Variants in PREP observed in about 807,000 individuals in gnomAD.
The protein encoded by PREP is prolyl endopeptidase.
Under a neutral mutation model 87.6 loss-of-function variants are expected in PREP, and 29 were observed. That is an observed-to-expected ratio of 0.33 (90% CI 0.25 to 0.45). The LOEUF (loss-of-function observed/expected upper bound fraction) is 0.45, where lower values mean the gene tolerates loss of function less well. Among genes scored for constraint, PREP ranks in the 20% least tolerant of loss-of-function variants. PREP has a pLI of 1.00. For missense variants in PREP, 695 were observed against 886.5 expected, an observed-to-expected ratio of 0.78 and a Z score of 2.74; for synonymous variants, 337 against 328.6, an observed-to-expected ratio of 1.03 and a Z score of -0.28.
chr6:105,367,213 TA>T (rs1014013879), intron 6 of PREP, among the ~76,000 whole-genome samples: 1 of 152,188 alleles, frequency 6.6e-6, no homozygotes, highest in African/African-American at 2.4e-5. Flanking sequence ...CAGATGAAGG[TA>T]AAAAATGTAC....
chr6:105,336,719 C>T (rs961442117), intron 7 of PREP, among the ~76,000 whole-genome samples: 1 of 152,154 alleles, frequency 6.6e-6, no homozygotes, highest in South Asian at 2.1e-4. Flanking sequence ...CAGGCATTTT[C>T]CCCAGCTTTT....
At chr6:105,303,540 C>A (rs1166661079) in intron 10 of PREP, among the ~76,000 whole-genome samples, 5 of 152,066 alleles carry the variant, frequency 3.3e-5, no homozygotes, top group African/African-American at 4.8e-5. Flanking sequence ...TCTATTGGCT[C>A]TTAGAAGTTC....
In PREP at chr6:105,376,189, C is replaced by T. The variant is rs761488867; in HGVS notation, c.321G>A (p.Glu107=). The change falls in exon 4 of 15, where the codon GAG becomes GAA. Residue 107 remains glutamate, a synonymous_variant. Transcript: ENST00000652536. The part of the protein sequence containing the change: ...QRVLYVQDSL[E]GEARVFLDPN... ...GGTCCAGGAACACTCTGGCCTCACCCTCTAAGGAATCCTGTACATATAATA... is the reference window on the plus strand; with the variant it reads ...GGTCCAGGAACACTCTGGCCTCACCTTCTAAGGAATCCTGTACATATAATA... 1 of 1,613,952 alleles carries T rather than the reference C, an allele frequency of 6.2e-7. No homozygotes were observed. The highest frequency in any genetic ancestry group is 1.3e-5 in the African/African-American group (1 of 75,012).
chr6:105,385,283 T>TAAAAAAA (rs11354337), intron 2 of PREP, among the ~76,000 whole-genome samples: 12 of 122,638 alleles, frequency 9.8e-5, no homozygotes, highest in African/African-American at 1.6e-4. Context: ...AGATCTGCTT[T>TAAAAAAA]AAAAAAAAAA....
intron 10 of PREP, among the ~76,000 whole-genome samples, chr6:105,310,954 A>T (rs1343541684): frequency 6.6e-6 from 1 of 152,190 alleles, no homozygotes; most frequent in Non-Finnish European, 1.5e-5. Context: ...ACTCACTGAT[A>T]AATGGTACCA....
intron 1 of PREP, 67 bp from the exon 2 acceptor site, chr6:105,397,994 A>C: frequency 8.1e-7 from 1 of 1,237,870 alleles, no homozygotes; most frequent in Non-Finnish European, 1.2e-6. Flanking sequence ...GTATTTTTTT[A>C]ATGTAATGGA....
chr6:105,356,718 T>C (rs1401815270), intron 6 of PREP, among the ~76,000 whole-genome samples: 1 of 152,224 alleles, frequency 6.6e-6, no homozygotes, highest in Non-Finnish European at 1.5e-5. Context: ...GGGCAGCCTA[T>C]TGATCAATAT....
At chr6:105,384,555 C>A (rs1412444521) in intron 2 of PREP, among the ~76,000 whole-genome samples, 1 of 152,204 alleles carries the variant, frequency 6.6e-6, no homozygotes, top group Non-Finnish European at 1.5e-5. Context: ...TCTAACTATG[C>A]TAACTCCCTT....
intron 7 of PREP, among the ~76,000 whole-genome samples, chr6:105,347,915 C>T (rs1292877727): frequency 6.6e-6 from 1 of 151,978 alleles, no homozygotes; most frequent in Non-Finnish European, 1.5e-5. Context: ...AAAGTATATA[C>T]ATACTTCAAA....
intron 2 of PREP, among the ~76,000 whole-genome samples, chr6:105,389,770 G>A (rs1027878868): frequency 1.3e-5 from 2 of 152,052 alleles, no homozygotes; most frequent in African/African-American, 4.8e-5. Context: ...TCTGGATCCG[G>A]GCTAGGGAAA....
intron 10 of PREP, among the ~76,000 whole-genome samples, chr6:105,291,901 T>C (rs554282007): frequency 6.6e-6 from 1 of 152,276 alleles, no homozygotes; most frequent in South Asian, 2.1e-4. Context: ...TCACCAGGAG[T>C]AGATTCCATC....
At chr6:105,358,883 T>C (rs996525880) in intron 6 of PREP, among the ~76,000 whole-genome samples, 5 of 152,172 alleles carry the variant, frequency 3.3e-5, no homozygotes, top group African/African-American at 1.2e-4. Context: ...TCCAGCCCAG[T>C]TCTCCAAAAG....
intron 7 of PREP, among the ~76,000 whole-genome samples, chr6:105,343,690 C>T (rs922837225): frequency 6.6e-6 from 1 of 152,054 alleles, no homozygotes; most frequent in Non-Finnish European, 1.5e-5. Context: ...AAAAATCAAC[C>T]CCATCAAAAA....
At chr6:105,342,227 A>T (rs748147064) in intron 7 of PREP, among the ~76,000 whole-genome samples, 2 of 152,242 alleles carry the variant, frequency 1.3e-5, no homozygotes, top group Non-Finnish European at 2.9e-5. Flanking sequence ...AGGCTGGTTC[A>T]ACATACACAA....
intron 3 of PREP, 146 bp downstream of exon 3, chr6:105,377,240 T>C: frequency 1.1e-6 from 1 of 947,914 alleles, no homozygotes; most frequent in Non-Finnish European, 1.6e-6. Context: ...AGATCAAAAA[T>C]ATTACTCTCA....
At position 105,335,998 on chromosome 6, in the gene PREP, C is replaced by T. The variant is rs142590086; in HGVS notation, c.824-2493G>A. Reference sequence around the variant, plus strand: ...TGAGGCTGGCTATGGTGGCTCACATCTGTAATCCCAGAACTTCGGGAGGCC... The same window carrying T: ...TGAGGCTGGCTATGGTGGCTCACATTTGTAATCCCAGAACTTCGGGAGGCC... On this transcript the variant is annotated intron_variant, in intron 7 of 14. Coordinates refer to ENST00000652536, the MANE Select transcript of PREP (RefSeq NM_002726.5). 4.5e-4 allele frequency among the ~76,000 whole-genome samples: 68 copies of T among 152,370 alleles called. 2 individuals are homozygous for T. The East Asian group carries it at 0.011, about 24-fold the overall frequency.
chr6:105,394,470 A>C (rs1289260991), intron 2 of PREP, among the ~76,000 whole-genome samples: 3 of 152,242 alleles, frequency 2.0e-5, no homozygotes, highest in Non-Finnish European at 4.4e-5. Flanking sequence ...GTTCAAAAAA[A>C]TTACTAGGTA....
chr6:105,342,876 A>T (rs1463183457), intron 7 of PREP, among the ~76,000 whole-genome samples: 1 of 152,270 alleles, frequency 6.6e-6, no homozygotes, highest in Non-Finnish European at 1.5e-5. Context: ...GAAATAAAAG[A>T]GGATACAAAC....
intron 2 of PREP, among the ~76,000 whole-genome samples, chr6:105,384,311 CTG>C (rs1302874180): frequency 2.0e-5 from 3 of 152,160 alleles, no homozygotes; most frequent in Admixed American, 2.0e-4. Context: ...GCTTGGGAGA[CTG>C]AGTGCTCATG....
Sources: allele counts gnomAD v4.1 joint callset (sites outside exome capture counted in the v4.1 genomes callset), GRCh38; gene constraint gnomAD v4.1.1; transcripts MANE v1.5; gene names NCBI Gene and HGNC (gene_info 2026-07-23, HGNC 2026-07-21).